The following OR9Q1 variants were observed in gnomAD, a reference collection of about 807,000 sequenced individuals.
OR9Q1 encodes olfactory receptor 9Q1.
For synonymous variants in OR9Q1, 153 were observed against 148.6 expected (o/e 1.03, Z -0.22); for missense variants, 374 against 378.8 (o/e 0.99, Z 0.11).
chr11:58,038,948 T>C (rs887656763), intron 1 of OR9Q1, among the ~76,000 whole-genome samples: 2 of 152,164 alleles, frequency 1.3e-5, no homozygotes, highest in African/African-American at 4.8e-5. Context: ...GCTACAGCTT[T>C]GTTCCTCTAA....
intron 2 of OR9Q1, among the ~76,000 whole-genome samples, chr11:58,104,646 C>A (rs1042496416): frequency 1.3e-5 from 2 of 152,080 alleles, no homozygotes; most frequent in Admixed American, 1.3e-4. Context: ...TATTGCTTAG[C>A]CAATGCAACA....
At chr11:58,033,562 A>G (rs1311195506) in intron 1 of OR9Q1, among the ~76,000 whole-genome samples, 1 of 152,210 alleles carries the variant, frequency 6.6e-6, no homozygotes, top group Non-Finnish European at 1.5e-5. Context: ...TTGGGTACAC[A>G]TGAACATAAA....
intron 2 of OR9Q1, among the ~76,000 whole-genome samples, chr11:58,161,550 T>TTG (rs71454320): frequency 6.4e-5 from 3 of 47,170 alleles, no homozygotes; most frequent in East Asian, 7.7e-4. Context: ...GCTTATTCTG[T>TTG]TTTTTTTTTT....
intron 2 of OR9Q1, among the ~76,000 whole-genome samples, chr11:58,122,104 C>T (rs1264477053): frequency 6.6e-6 from 1 of 152,190 alleles, no homozygotes; most frequent in African/African-American, 2.4e-5. Context: ...GAGGCCCCAT[C>T]TCTAGAATCA....
At chr11:58,089,899 T>G (rs1270196529) in intron 2 of OR9Q1, among the ~76,000 whole-genome samples, 3 of 151,894 alleles carry the variant, frequency 2.0e-5, no homozygotes, top group African/African-American at 7.3e-5. Context: ...GGTATTTGAT[T>G]CTCTTTGTTG....
intron 2 of OR9Q1, among the ~76,000 whole-genome samples, chr11:58,089,881 G>T (rs1348115217): frequency 6.6e-6 from 1 of 151,766 alleles, no homozygotes; most frequent in Non-Finnish European, 1.5e-5. Flanking sequence ...TTGTAAGTTG[G>T]GTTCCTAGGT....
intron 2 of OR9Q1, among the ~76,000 whole-genome samples, chr11:58,134,281 C>G (rs1057113862): frequency 3.3e-5 from 5 of 152,164 alleles, no homozygotes; most frequent in Admixed American, 6.5e-5. Context: ...CTCTGGTCAT[C>G]AGAACAGCTG....
At chr11:58,148,896 G>T (rs1854324303) in intron 2 of OR9Q1, among the ~76,000 whole-genome samples, 1 of 152,120 alleles carries the variant, frequency 6.6e-6, no homozygotes, top group Non-Finnish European at 1.5e-5. Flanking sequence ...GATGCTTCAT[G>T]GACATTATAC....
intron 2 of OR9Q1, among the ~76,000 whole-genome samples, chr11:58,154,820 A>G (rs1854390983): frequency 6.6e-6 from 1 of 152,188 alleles, no homozygotes; most frequent in Non-Finnish European, 1.5e-5. Flanking sequence ...GAATGTTGGC[A>G]GTTTGTCTTT....
chr11:58,140,894 C>G (rs1432227645), intron 2 of OR9Q1, among the ~76,000 whole-genome samples: 3 of 152,182 alleles, frequency 2.0e-5, no homozygotes, highest in Non-Finnish European at 4.4e-5. Flanking sequence ...GCCATTTTCA[C>G]GATACTGATT....
intron 1 of OR9Q1, chr11:58,047,377 A>T (rs921470543): frequency 1.3e-5 from 2 of 152,212 alleles, no homozygotes; most frequent in Non-Finnish European, 2.9e-5. Context: ...GCTCTTTTCC[A>T]GAAGGTGCTC....
At chr11:58,064,034 C>T (rs1018668629) in intron 2 of OR9Q1, among the ~76,000 whole-genome samples, 1 of 152,172 alleles carries the variant, frequency 6.6e-6, no homozygotes, top group Non-Finnish European at 1.5e-5. Context: ...AGTGCAGGGC[C>T]TCCAGGGATT....
chr11:58,057,068 C>T (rs1377481811), intron 2 of OR9Q1, among the ~76,000 whole-genome samples: 2 of 141,742 alleles, frequency 1.4e-5, no homozygotes, highest in African/African-American at 5.3e-5. Flanking sequence ...CATCTTGGCT[C>T]ACTGCAACCC....
chr11:58,054,153 A>G (rs562303159), intron 1 of OR9Q1, among the ~76,000 whole-genome samples: 109 of 152,332 alleles, frequency 7.2e-4, no homozygotes, highest in African/African-American at 2.5e-3. Flanking sequence ...GCTGAAAAAG[A>G]AATAGTAGAA....
intron 2 of OR9Q1, among the ~76,000 whole-genome samples, chr11:58,096,591 C>T (rs567618229): frequency 6.7e-6 from 1 of 149,566 alleles, no homozygotes; most frequent in Admixed American, 6.7e-5. Flanking sequence ...CAGCTCACTG[C>T]AGCCTCTACC....
At chr11:58,069,542 T>TGGGCTCTGCTATGTCCCCTGAAGAAA (rs1305377959) in intron 2 of OR9Q1, among the ~76,000 whole-genome samples, 7 of 152,150 alleles carry the variant, frequency 4.6e-5, no homozygotes, top group Admixed American at 2.6e-4. Context: ...TCACTGCATT[T>TGGGCTCTGCTATGTCCCCTGAAGAAA]GGGCTCTGCT....
At chr11:58,172,122 A>G (rs371233339) in intron 2 of OR9Q1, among the ~76,000 whole-genome samples, 1 of 152,128 alleles carries the variant, frequency 6.6e-6, no homozygotes, top group African/African-American at 2.4e-5. Context: ...GTCTCTGAGG[A>G]TATTTCCTGT....
At chr11:58,175,745 T>A (rs1424448870) in intron 2 of OR9Q1, among the ~76,000 whole-genome samples, 1 of 151,924 alleles carries the variant, frequency 6.6e-6, no homozygotes, top group African/African-American at 2.4e-5. Context: ...ATGTACCACA[T>A]GGTTCCATTT....
At chr11:58,054,854 G>T (rs1473363120) in intron 1 of OR9Q1, among the ~76,000 whole-genome samples, 3 of 152,174 alleles carry the variant, frequency 2.0e-5, no homozygotes, top group Non-Finnish European at 4.4e-5. Flanking sequence ...AACCCAGGAG[G>T]TGGAGGTTGC....
Sources: gnomAD v4.1 joint callset for allele counts (sites outside exome capture counted in the v4.1 genomes callset) on GRCh38, gnomAD v4.1.1 for gene constraint, MANE v1.5 for transcripts, NCBI Gene and HGNC (gene_info 2026-07-23, HGNC 2026-07-21) for gene names.